KCNK2: variants seen among roughly 807,000 people sequenced by gnomAD.
The protein encoded by KCNK2 is potassium channel subfamily K member 2.
Under a neutral mutation model 40.5 loss-of-function variants are expected in KCNK2, and 21 were observed. The observed-to-expected ratio is 0.52, with a 90% CI of 0.37 to 0.75. The LOEUF is 0.75. KCNK2 is among the 30% of genes least tolerant of loss of function. The pLI is 0.00. For missense variants in KCNK2, 399 were observed against 531.6 expected, an observed-to-expected ratio of 0.75 and a Z score of 2.45; for synonymous variants, 191 against 202.2, an observed-to-expected ratio of 0.94 and a Z score of 0.47.
At chr1:215,026,938 T>C (rs1234928449) in intron 1 of KCNK2, among the ~76,000 whole-genome samples, 1 of 152,096 alleles carries the variant, frequency 6.6e-6, no homozygotes, top group Non-Finnish European at 1.5e-5. Context: ...CAGATCATTT[T>C]TCATTCTTAC....
At chr1:215,032,793 CCTCT>C (rs1296651761) in intron 1 of KCNK2, among the ~76,000 whole-genome samples, 1 of 151,940 alleles carries the variant, frequency 6.6e-6, no homozygotes, top group Non-Finnish European at 1.5e-5. Context: ...TTCCCTCTAT[CCTCT>C]CTAAGAATTT....
At chr1:215,148,710 G>A (rs1486673156) in intron 3 of KCNK2, among the ~76,000 whole-genome samples, 3 of 152,138 alleles carry the variant, frequency 2.0e-5, no homozygotes, top group Non-Finnish European at 4.4e-5. Context: ...GAGAGTTCAC[G>A]TTAGAGTAAT....
chr1:215,173,224 G>GT (rs1357878958), intron 5 of KCNK2, among the ~76,000 whole-genome samples: 11 of 152,032 alleles, frequency 7.2e-5, no homozygotes, highest in African/African-American at 2.2e-4. Context: ...GCACTGTTTG[G>GT]TTTTTTGTCC....
At chr1:215,100,732 G>C (rs138573126) in intron 2 of KCNK2, among the ~76,000 whole-genome samples, 1 of 152,000 alleles carries the variant, frequency 6.6e-6, no homozygotes, top group Admixed American at 6.6e-5. Context: ...TCCACTTGTC[G>C]CAAACCATCC....
At chr1:215,130,045 C>G (rs1331022848) in intron 3 of KCNK2, among the ~76,000 whole-genome samples, 1 of 152,150 alleles carries the variant, frequency 6.6e-6, no homozygotes, top group Non-Finnish European at 1.5e-5. Context: ...GAGGTGACTA[C>G]TGGTGGGCTG....
intron 6 of KCNK2, among the ~76,000 whole-genome samples, chr1:215,202,844 A>G (rs930222490): frequency 2.0e-5 from 3 of 152,216 alleles, no homozygotes; most frequent in Non-Finnish European, 1.5e-5. Flanking sequence ...AGAATCAATA[A>G]TGAACTCAGA....
At chr1:215,046,289 GAA>G (rs1216810615) in intron 1 of KCNK2, among the ~76,000 whole-genome samples, 1 of 151,962 alleles carries the variant, frequency 6.6e-6, no homozygotes, top group Non-Finnish European at 1.5e-5. Context: ...ATATATTTGG[GAA>G]AAAATCCTCG....
At chr1:215,231,677 C>G (rs1666674345) in intron 6 of KCNK2, among the ~76,000 whole-genome samples, 1 of 152,112 alleles carries the variant, frequency 6.6e-6, no homozygotes, top group African/African-American at 2.4e-5. Flanking sequence ...GACAGAAAAT[C>G]AGTGTCTGCA....
chr1:215,219,805 AC>A (rs1426292035), intron 6 of KCNK2, among the ~76,000 whole-genome samples: 3 of 152,212 alleles, frequency 2.0e-5, no homozygotes, highest in African/African-American at 7.2e-5. Context: ...ATAATCTGTT[AC>A]AATCATTTAT....
intron 2 of KCNK2, among the ~76,000 whole-genome samples, chr1:215,091,740 T>C (rs1659701757): frequency 6.6e-6 from 1 of 152,126 alleles, no homozygotes; most frequent in South Asian, 2.1e-4. Flanking sequence ...ATTCCAGATA[T>C]GGTCACTAAG....
intron 1 of KCNK2, among the ~76,000 whole-genome samples, chr1:215,052,245 G>A (rs1368012885): frequency 6.6e-6 from 1 of 152,172 alleles, no homozygotes; most frequent in African/African-American, 2.4e-5. Context: ...CTAGGTGGTG[G>A]TAGAGTGAGC....
chr1:215,099,360 C>A (rs960380899), intron 2 of KCNK2, among the ~76,000 whole-genome samples: 2 of 151,922 alleles, frequency 1.3e-5, no homozygotes, highest in Admixed American at 6.6e-5. Flanking sequence ...TTTTTTATGG[C>A]TGCATGGTAT....
At chr1:215,006,404 T>A (rs1470590235) in intron 1 of KCNK2, among the ~76,000 whole-genome samples, 1 of 152,228 alleles carries the variant, frequency 6.6e-6, no homozygotes, top group Admixed American at 6.5e-5. Context: ...GGGAATCTTA[T>A]GTGTATATTG....
chr1:215,036,959 A>G (rs1225987499), intron 1 of KCNK2, among the ~76,000 whole-genome samples: 1 of 137,076 alleles, frequency 7.3e-6, no homozygotes, highest in East Asian at 2.2e-4. Context: ...CCATCTGTAG[A>G]TTTATTTTAC....
chr1:215,125,998 T>C lies in KCNK2; in HGVS notation c.475+1248T>C, dbSNP rs1282838984. On this transcript the variant is annotated intron_variant, in intron 3 of 6. Coordinates refer to ENST00000444842, the MANE Select transcript of KCNK2 (RefSeq NM_001017425.3). Reference sequence around the variant, plus strand: ...CTTTCCACATACCTTTGTGAAGAGATTTTCATCTCATGGGACTAGTTTCAG... The same window carrying C: ...CTTTCCACATACCTTTGTGAAGAGACTTTCATCTCATGGGACTAGTTTCAG... Among the ~76,000 whole-genome samples, 3 of 151,696 alleles carry C rather than the reference T, an allele frequency of 2.0e-5. No individual in the cohort carries two copies. In the East Asian group the frequency reaches 5.8e-4, roughly 29 times the overall value.
At chr1:215,152,390 C>T (rs1428500392) in intron 3 of KCNK2, among the ~76,000 whole-genome samples, 1 of 152,136 alleles carries the variant, frequency 6.6e-6, no homozygotes, top group Admixed American at 6.5e-5. Context: ...TCAGAGATCA[C>T]AGTCATCAGG....
At chr1:215,070,205 T>G in intron 1 of KCNK2, among the ~76,000 whole-genome samples, 1 of 151,150 alleles carries the variant, frequency 6.6e-6, no homozygotes, top group African/African-American at 2.4e-5. Flanking sequence ...GGTCAGCAGA[T>G]CGTAGGCATC....
chr1:215,209,310 TATGA>T, intron 6 of KCNK2, among the ~76,000 whole-genome samples: 1 of 77,712 alleles, frequency 1.3e-5, no homozygotes, highest in African/African-American at 4.6e-5. Flanking sequence ...ATATTATATA[TATGA>T]AATATACACA....
At chr1:215,103,872 T>C (rs1031144628) in intron 2 of KCNK2, among the ~76,000 whole-genome samples, 2 of 152,050 alleles carry the variant, frequency 1.3e-5, no homozygotes, top group Non-Finnish European at 2.9e-5. Context: ...CCTATCGTTT[T>C]CCCCTGATTC....
Sources: allele counts gnomAD v4.1 joint callset (sites outside exome capture counted in the v4.1 genomes callset), GRCh38; gene constraint gnomAD v4.1.1; transcripts MANE v1.5; gene names NCBI Gene and HGNC (gene_info 2026-07-23, HGNC 2026-07-21).